The following GLB1L3 variants were observed in gnomAD, a reference collection of about 807,000 sequenced individuals.
The protein encoded by GLB1L3 is beta-galactosidase-1-like protein 3.
Under a neutral mutation model 89.5 loss-of-function variants are expected in GLB1L3, and 89 were observed. The ratio of observed to expected loss-of-function variants is 0.99; its 90% CI spans 0.84 to 1.19. The LOEUF is 1.19. Ranked by LOEUF, GLB1L3 falls within the 50% of genes most tolerant of loss-of-function variation. The pLI is 0.00. For missense variants in GLB1L3, 812 were observed against 813.3 expected (o/e 1.00, Z 0.02); for synonymous variants, 314 against 312.3 (o/e 1.01, Z -0.06).
chr11:134,294,085 A>T (rs1165779589), intron 9 of GLB1L3, among the ~76,000 whole-genome samples: 1 of 150,264 alleles, frequency 6.7e-6, no homozygotes, highest in Non-Finnish European at 1.5e-5. Flanking sequence ...TTTTTTTTTG[A>T]GACAGAGTCT....
rs183608923 is a variant in GLB1L3, at chr11:134,285,070, A to C, written c.636+1225A>C. On this transcript the variant is annotated intron_variant, in intron 6 of 19. Coordinates refer to ENST00000431683, the MANE Select transcript of GLB1L3 (RefSeq NM_001080407.3). ...CAGCCTCCCAAGTAGCTGGGACTAC[A>C]GGTGCCCACCACCATGCCCGGCTAA... Among the ~76,000 whole-genome samples the C allele has an allele frequency of 1.4e-3, 209 of 151,782 alleles. 1 individual carries two copies. Among genetic ancestry groups the C allele is most frequent in the African/African-American group, 4.8e-3 (197 of 41,368 alleles).
Position 134,279,168 on chromosome 11 carries a change from A to G in GLB1L3, c.362+1256A>G, listed in dbSNP as rs144626065. Among the ~76,000 whole-genome samples, 308 of 152,314 alleles carry G rather than the reference A, an allele frequency of 2.0e-3. 1 individual carries two copies. The highest frequency in any genetic ancestry group is 7.1e-3 in the African/African-American group (295 of 41,580). Reference sequence around the variant, plus strand: ...ATTGGAAATATTTTGCACAAGAATTATCTTTACCCTGAAAGTTTCTTAAGA... The same window carrying G: ...ATTGGAAATATTTTGCACAAGAATTGTCTTTACCCTGAAAGTTTCTTAAGA... On this transcript the variant is annotated intron_variant, in intron 3 of 19. Transcript: ENST00000431683.
Position 134,292,139 on chromosome 11 carries a change from T to C in GLB1L3, c.737T>C (p.Leu246Pro). Residue 246 changes from leucine (L) to proline (P), a missense_variant, in exon 8 of 20, where the codon CTG becomes CCG. By Grantham distance (98) the Leu-to-Pro change is moderately conservative. Transcript: ENST00000431683. Reference protein sequence around the residue: ...TYMPYLHKALLRRGIVELLLT... With the variant: ...TYMPYLHKALPRRGIVELLLT... ...GGTTAATTTTCTCAACAGGCCCTGC[T>C]GAGAAGAGGGATTGTGGAGCTTCTC... is the stretch of plus-strand genomic sequence containing the variant. The C allele has an allele frequency of 6.2e-7, 1 of 1,613,452 alleles. No homozygotes were observed. The highest frequency in any genetic ancestry group is 8.5e-7 in the Non-Finnish European group (1 of 1,179,424).
In GLB1L3 at chr11:134,282,970, G is replaced by A. The variant is rs574482677; in HGVS notation, c.528-767G>A. Among the ~76,000 whole-genome samples, 15 of 152,298 alleles carry A rather than the reference G, an allele frequency of 9.8e-5. No individual in the cohort carries two copies. The South Asian group carries it at 3.1e-3, about 32-fold the overall frequency. On this transcript the variant is annotated intron_variant, in intron 5 of 19. Transcript: ENST00000431683. ...TCCCCAGTGACCTGGAGTGGGTGGA[G>A]TATCATTGGCACGTAGGCTCCTGCC...
Position 134,308,151 on chromosome 11 carries a change from TCAC to T in GLB1L3, c.961+946_961+948del, listed in dbSNP as rs1942290544. ...CACATCACCACCACAATCACCATCA[TCAC>T]CAACACCACCACCAGCACCACCACC... On this transcript the variant is annotated intron_variant, in intron 10 of 19. Transcript: ENST00000431683. Among the ~76,000 whole-genome samples the T allele has an allele frequency of 1.2e-4, 14 of 120,970 alleles. 1 individual carries two copies. Among genetic ancestry groups the T allele is most frequent in the Non-Finnish European group, 2.3e-4 (13 of 56,528 alleles). 79.4% of individuals were successfully genotyped at this position (120,970 alleles called of 152,430 possible).
At chr11:134,308,475 TACCACCAC>T (rs1942478892) in intron 10 of GLB1L3, among the ~76,000 whole-genome samples, 2 of 20,354 alleles carry the variant, frequency 9.8e-5, no homozygotes, top group East Asian at 2.0e-3. Context: ...CACCACCAAA[TACCACCAC>T]CACCATCACC....
chr11:134,290,707 T>C (rs995966540), intron 7 of GLB1L3, among the ~76,000 whole-genome samples: 4 of 151,864 alleles, frequency 2.6e-5, no homozygotes, highest in African/African-American at 4.8e-5. Flanking sequence ...CTCGTGACCA[T>C]GGTTTTTCAG....
chr11:134,313,000 C>T (rs1400566448), intron 15 of GLB1L3, 113 bp downstream of exon 15: 2 of 811,638 alleles, frequency 2.5e-6, no homozygotes, highest in African/African-American at 1.7e-5. Context: ...TGCTGCTGCT[C>T]ACCTGGGGCG....
chr11:134,308,553 C>CCAT lies in GLB1L3; in HGVS notation c.962-1070_962-1068dup, dbSNP rs139193148. 7.7e-3 allele frequency among the ~76,000 whole-genome samples: 343 copies of CCAT among 44,552 alleles called. 7 individuals are homozygous for CCAT. Among genetic ancestry groups the CCAT allele is most frequent in the Non-Finnish European group, 0.015 (277 of 18,592 alleles). 29.2% of individuals were successfully genotyped at this position (44,552 alleles called of 152,430 possible). A position where few individuals can be genotyped will look rare whatever the true frequency, so the allele number is the denominator to read the frequency against. On this transcript the variant is annotated intron_variant, in intron 10 of 19. Coordinates refer to ENST00000431683, the MANE Select transcript of GLB1L3 (RefSeq NM_001080407.3). Reference sequence around the variant, plus strand: ...ACCACTACCACCACCATCACCATCACCATCACCACCACCACCACCATCACC... The same window carrying CCAT: ...ACCACTACCACCACCATCACCATCACCATCATCACCACCACCACCACCATCACC...
intron 9 of GLB1L3, among the ~76,000 whole-genome samples, chr11:134,295,522 A>G (rs1356095391): frequency 3.3e-5 from 5 of 152,154 alleles, no homozygotes; most frequent in Non-Finnish European, 5.9e-5. Context: ...TAGTGTGGCT[A>G]GAAGTTTATA....
At chr11:134,292,396 A>G (rs1941404908) in intron 8 of GLB1L3, 183 bp downstream of exon 8, 1 of 530,506 alleles carries the variant, frequency 1.9e-6, no homozygotes, top group Non-Finnish European at 3.4e-6. Context: ...AGGGCCACTC[A>G]CAGCTCCCTA....
At chr11:134,316,011 G>A (rs949880355) in intron 18 of GLB1L3, among the ~76,000 whole-genome samples, 1 of 152,078 alleles carries the variant, frequency 6.6e-6, no homozygotes, top group Non-Finnish European at 1.5e-5. Context: ...AATTAGTTCT[G>A]TTAAAGTGAA....
intron 9 of GLB1L3, among the ~76,000 whole-genome samples, 197 bp downstream of exon 9, chr11:134,293,406 G>A (rs1446024768): frequency 2.0e-5 from 3 of 152,078 alleles, no homozygotes; most frequent in South Asian, 4.1e-4. Context: ...TGTCACCTCC[G>A]CTTGTGGATC....
chr11:134,276,954 T>A (rs1940399582), intron 1 of GLB1L3, among the ~76,000 whole-genome samples, 191 bp downstream of exon 1: 1 of 152,144 alleles, frequency 6.6e-6, no homozygotes, highest in South Asian at 2.1e-4. Context: ...GGAGGGGCCG[T>A]TCACCAGATG....
At chr11:134,312,584 T>C (rs747014041) in intron 14 of GLB1L3, 95 bp downstream of exon 14, 16 of 1,457,730 alleles carry the variant, frequency 1.1e-5, no homozygotes, top group Non-Finnish European at 1.3e-5. Flanking sequence ...CGTTGCTGTT[T>C]GGTGACCTAC....
chr11:134,318,660 T>G lies in GLB1L3; in HGVS notation c.1809T>G (p.Asn603Lys). ...LNWNYGFVFI[N>K]GRNLGRYWNI... is the part of the protein sequence containing the mutation. ...GGAATTATGGATTTGTGTTCATCAA[T>G]GGACGTAACCTTGGGCGATATTGGA... is the stretch of plus-strand genomic sequence containing the variant. Residue 603 changes from asparagine to lysine, a missense_variant, in exon 19 of 20, where the codon AAT becomes AAG. Around this residue, in one of 3 missense-constraint regions of GLB1L3, gnomAD observed 618 missense variants for 604.0 expected, o/e 1.02. Transcript: ENST00000431683. 6.2e-7 allele frequency: 1 copy of G among 1,611,796 alleles called. No individual in the cohort carries two copies. The highest frequency in any genetic ancestry group is 1.1e-5 in the South Asian group (1 of 90,700).
chr11:134,299,390 C>T (rs1194328407), intron 9 of GLB1L3, among the ~76,000 whole-genome samples: 1 of 152,100 alleles, frequency 6.6e-6, no homozygotes, highest in Non-Finnish European at 1.5e-5. Flanking sequence ...AACTGCGCAT[C>T]ATGCATAGGA....
intron 2 of GLB1L3, 122 bp from the exon 3 acceptor site, chr11:134,277,578 T>C: frequency 2.0e-6 from 3 of 1,502,378 alleles, no homozygotes; most frequent in Middle Eastern, 1.7e-4. Context: ...CCTACTAACA[T>C]ATGCACAGAA....
chr11:134,291,400 C>T (rs1591549391), intron 7 of GLB1L3, among the ~76,000 whole-genome samples: 1 of 151,832 alleles, frequency 6.6e-6, no homozygotes, highest in Non-Finnish European at 1.5e-5. Context: ...GCTGGAATTA[C>T]AGGTATGCGC....
Sources: allele counts gnomAD v4.1 joint callset (sites outside exome capture counted in the v4.1 genomes callset), GRCh38; gene constraint gnomAD v4.1.1; regional missense constraint gnomAD v4.1.1; transcripts MANE v1.5; gene names NCBI Gene and HGNC (gene_info 2026-07-23, HGNC 2026-07-21).